The following SEMA3A variants were observed in gnomAD, a reference collection of about 807,000 sequenced individuals.
SEMA3A encodes the protein semaphorin-3A.
A neutral mutation model predicts 97.9 loss-of-function variants in SEMA3A; 29 were observed. The ratio of observed to expected loss-of-function variants is 0.30; its 90% CI spans 0.22 to 0.40. SEMA3A has a LOEUF of 0.40. Among genes scored for constraint, SEMA3A ranks in the 10% least tolerant of loss-of-function variants. SEMA3A has a pLI of 1.00. For missense variants in SEMA3A, 763 were observed against 951.3 expected (o/e 0.80, Z 2.60); for synonymous variants, 321 against 323.7 (o/e 0.99, Z 0.09).
chr7:84,005,415 A>G lies in SEMA3A; in HGVS notation c.1284T>C (p.Asn428=), dbSNP rs1215261756. 6.2e-7 allele frequency: 1 copy of G among 1,613,802 alleles called. No individual in the cohort carries two copies. The highest frequency in any genetic ancestry group is 8.5e-7 in the Non-Finnish European group (1 of 1,179,848). ...NRPIVIKTDV[N]YQFTQIVVDR... The stretch of plus-strand genomic sequence containing the variant: ...CTACGACAATTTGTGTAAATTGATA[A>G]TTTACATCCGTTTTGATCACTATTG... The change falls in exon 11 of 17, where the codon AAT becomes AAC. Residue 428 remains asparagine, a synonymous_variant. Transcript: ENST00000265362.
intron 3 of SEMA3A, among the ~76,000 whole-genome samples, chr7:84,256,863 T>G (rs2115640328): frequency 6.6e-6 from 1 of 152,264 alleles, no homozygotes; most frequent in South Asian, 2.1e-4. Flanking sequence ...CATTACTTCT[T>G]GCAGTTTGAC....
At chr7:84,276,312 A>C (rs972979903) in intron 3 of SEMA3A, among the ~76,000 whole-genome samples, 8 of 152,120 alleles carry the variant, frequency 5.3e-5, no homozygotes, top group African/African-American at 1.7e-4. Context: ...AATTCCTTTT[A>C]ACCCTTATGT....
chr7:84,364,766 T>C (rs1199184245), intron 2 of SEMA3A, among the ~76,000 whole-genome samples: 4 of 150,362 alleles, frequency 2.7e-5, no homozygotes, highest in African/African-American at 9.8e-5. Context: ...AAGAAGTTAG[T>C]AAATTCAGAA....
chr7:84,358,520 T>C (rs1802629779), intron 2 of SEMA3A, among the ~76,000 whole-genome samples: 1 of 152,198 alleles, frequency 6.6e-6, no homozygotes, highest in Non-Finnish European at 1.5e-5. Flanking sequence ...ACCAGTACCA[T>C]GCTGTTTTGG....
intron 2 of SEMA3A, among the ~76,000 whole-genome samples, chr7:84,358,086 T>C (rs1276993177): frequency 6.6e-6 from 1 of 152,210 alleles, no homozygotes; most frequent in African/African-American, 2.4e-5. Context: ...TTCTGTAGGT[T>C]GCCTGTTCAC....
At chr7:84,057,859 T>G (rs1297522831) in intron 5 of SEMA3A, among the ~76,000 whole-genome samples, 1 of 152,188 alleles carries the variant, frequency 6.6e-6, no homozygotes, top group Non-Finnish European at 1.5e-5. Context: ...AACTTTACTA[T>G]TTTGGTTTGA....
intron 1 of SEMA3A, among the ~76,000 whole-genome samples, chr7:84,422,046 A>G (rs1804609458): frequency 6.6e-6 from 1 of 152,024 alleles, no homozygotes; most frequent in Admixed American, 6.6e-5. Flanking sequence ...TGAGTTAGAG[A>G]GGAATCTTTC....
intron 6 of SEMA3A, among the ~76,000 whole-genome samples, chr7:84,029,318 G>T (rs1043911296): frequency 2.0e-5 from 3 of 151,976 alleles, no homozygotes; most frequent in Admixed American, 2.0e-4. Context: ...CTTTAAAAAA[G>T]GATTTTTACA....
Position 84,150,655 on chromosome 7 carries a change from G to C in SEMA3A, c.113-15704C>G, listed in dbSNP as rs545433037. ...GATCAAACTGCAAGGCGGCAGTGAG[G>C]ATGGGGGAGGGGCGCCCGCCATTGC... is the stretch of plus-strand genomic sequence containing the variant. On this transcript the variant is annotated intron_variant, in intron 1 of 16. Coordinates refer to ENST00000265362, the MANE Select transcript of SEMA3A (RefSeq NM_006080.3). Among the ~76,000 whole-genome samples the C allele has an allele frequency of 1.1e-3, 171 of 152,266 alleles. 1 individual carries two copies. The East Asian group carries it at 0.013, about 11-fold the overall frequency.
At chr7:84,420,550 A>AT in intron 1 of SEMA3A, among the ~76,000 whole-genome samples, 2 of 152,086 alleles carry the variant, frequency 1.3e-5, no homozygotes, top group South Asian at 4.1e-4. Flanking sequence ...GACCTGTGGG[A>AT]TGAAAAAATA....
At chr7:84,312,256 C>A (rs1801343001) in intron 2 of SEMA3A, among the ~76,000 whole-genome samples, 1 of 151,834 alleles carries the variant, frequency 6.6e-6, no homozygotes, top group Admixed American at 6.6e-5. Flanking sequence ...ATGTGTCCTT[C>A]ATTTAAGATT....
intron 1 of SEMA3A, among the ~76,000 whole-genome samples, chr7:84,436,507 T>C (rs931177445): frequency 6.6e-6 from 1 of 152,150 alleles, no homozygotes; most frequent in Non-Finnish European, 1.5e-5. Flanking sequence ...TCTAAGCTAA[T>C]GCAATATGCA....
chr7:84,368,897 T>C (rs1373379073), intron 2 of SEMA3A, among the ~76,000 whole-genome samples: 2 of 151,050 alleles, frequency 1.3e-5, no homozygotes, highest in Non-Finnish European at 3.0e-5. Context: ...ATATAACTTG[T>C]ATACATTTGT....
At chr7:84,444,586 G>A (rs1210291484) in intron 1 of SEMA3A, among the ~76,000 whole-genome samples, 5 of 148,588 alleles carry the variant, frequency 3.4e-5, no homozygotes, top group Non-Finnish European at 7.4e-5. Context: ...TTTTGAGACG[G>A]AGTCTGGCTC....
intron 4 of SEMA3A, among the ~76,000 whole-genome samples, chr7:84,089,487 T>C (rs1245838381): frequency 6.8e-6 from 1 of 147,742 alleles, no homozygotes; most frequent in African/African-American, 2.4e-5. Context: ...TTATTGATTT[T>C]AATGTAATTA....
intron 1 of SEMA3A, among the ~76,000 whole-genome samples, chr7:84,171,222 A>G (rs1350941875): frequency 6.6e-6 from 1 of 152,128 alleles, no homozygotes; most frequent in Non-Finnish European, 1.5e-5. Context: ...ATGAACATAA[A>G]TTTAAGTTTC....
At chr7:84,299,676 AGAGAAC>A (rs1387464358) in intron 3 of SEMA3A, among the ~76,000 whole-genome samples, 1 of 151,810 alleles carries the variant, frequency 6.6e-6, no homozygotes, top group Non-Finnish European at 1.5e-5. Context: ...TCTAATATAA[AGAGAAC>A]TTGGAGGAAA....
Position 83,963,273 on chromosome 7 carries a change from T to C in SEMA3A, c.1792A>G (p.Ser598Gly), listed in dbSNP as rs1248925818. The change falls in exon 16 of 17, where the codon AGT (serine) becomes GGT (glycine). Residue 598 changes from serine (S) to glycine (G), a missense_variant. This residue lies in a region of SEMA3A where 678 missense variants were observed against 881.3 expected (regional missense o/e 0.77). Transcript: ENST00000265362. ...ACCAGCGCTCTCTGCGACTTCGGAC[T>C]GCATTCCAAAAATGTGCTACTATTC... is the stretch of plus-strand genomic sequence containing the variant. ...VENSSTFLEC[S>G]PKSQRALVYW... 1.4e-5 allele frequency: 23 copies of C among 1,613,828 alleles called. No homozygotes were observed. The highest frequency in any genetic ancestry group is 1.9e-5 in the Non-Finnish European group (23 of 1,179,986).
At chr7:84,359,348 AG>A (rs1447050914) in intron 2 of SEMA3A, among the ~76,000 whole-genome samples, 21 of 151,938 alleles carry the variant, frequency 1.4e-4, no homozygotes, top group South Asian at 4.2e-4. Flanking sequence ...TTTAGCATGA[AG>A]GGTTGTTGAA....
Sources: allele counts gnomAD v4.1 joint callset (sites outside exome capture counted in the v4.1 genomes callset), GRCh38; gene constraint gnomAD v4.1.1; regional missense constraint gnomAD v4.1.1; transcripts MANE v1.5; gene names NCBI Gene and HGNC (gene_info 2026-07-23, HGNC 2026-07-21).